Variants in MTRF1 observed in about 807,000 individuals in gnomAD.
MTRF1 encodes the protein peptide chain release factor 1, mitochondrial.
A neutral mutation model predicts 62.9 loss-of-function variants in MTRF1; 51 were observed. The ratio of observed to expected loss-of-function variants is 0.81; its 90% CI spans 0.65 to 1.02. MTRF1 has a LOEUF of 1.02. Among genes scored for constraint, MTRF1 ranks in the 50% least tolerant of loss-of-function variants. MTRF1 has a pLI of 0.00. For synonymous variants in MTRF1, 158 were observed against 181.9 expected (o/e 0.87, Z 1.06); for missense variants, 446 against 530.0 (o/e 0.84, Z 1.56).
intron 5 of MTRF1, among the ~76,000 whole-genome samples, chr13:41,242,668 G>A (rs1415574266): frequency 1.3e-5 from 2 of 151,600 alleles, no homozygotes; most frequent in African/African-American, 4.8e-5. Flanking sequence ...TTTAAAGGCG[G>A]TTTGTGTAGT....
the MTRF1 span, among the ~76,000 whole-genome samples, chr13:41,277,188 G>C: frequency 6.6e-6 from 1 of 151,150 alleles, no homozygotes; most frequent in African/African-American, 2.4e-5. Flanking sequence ...CTGGAGTGCA[G>C]TGGTGCAATT....
intron 6 of MTRF1, among the ~76,000 whole-genome samples, chr13:41,237,167 C>T (rs1403687911): frequency 8.0e-6 from 1 of 125,244 alleles, no homozygotes; most frequent in Admixed American, 1.0e-4. Context: ...TGCAGTAAGC[C>T]AAGATGGGGC....
At chr13:41,298,890 AAGG>A in the MTRF1 span, among the ~76,000 whole-genome samples, 1 of 152,086 alleles carries the variant, frequency 6.6e-6, no homozygotes, top group African/African-American at 2.4e-5. Context: ...GTCAAAAGAG[AAGG>A]AGGAGGCCAG....
the MTRF1 span, among the ~76,000 whole-genome samples, chr13:41,300,271 C>T: frequency 6.6e-6 from 1 of 152,142 alleles, no homozygotes; most frequent in East Asian, 1.9e-4. Flanking sequence ...GCTGTAATTA[C>T]AAGTGGTTTA....
At chr13:41,311,460 ACCCCCGC>A in the MTRF1 span, 2 of 1,474,190 alleles carry the variant, frequency 1.4e-6, no homozygotes, top group African/African-American at 1.4e-5. Flanking sequence ...CCCGGTGCCC[ACCCCCGC>A]GAAGCGGAGC....
chr13:41,249,300 G>C (rs905569523), intron 5 of MTRF1, among the ~76,000 whole-genome samples: 2 of 152,080 alleles, frequency 1.3e-5, no homozygotes, highest in African/African-American at 4.8e-5. Context: ...CCAGTACTTT[G>C]GGAGGCCGAG....
At chr13:41,311,615 G>C in the MTRF1 span, 8 of 1,586,790 alleles carry the variant, frequency 5.0e-6, no homozygotes, top group South Asian at 5.7e-5. Flanking sequence ...GCCGCCCCCC[G>C]GTCCCCGGGT....
At chr13:41,296,630 A>G in the MTRF1 span, among the ~76,000 whole-genome samples, 15 of 152,292 alleles carry the variant, frequency 9.8e-5, 1 homozygote, top group South Asian at 3.1e-3. Flanking sequence ...TGTTATTGAT[A>G]TGTGTTTCCA....
chr13:41,308,842 C>G, the MTRF1 span, among the ~76,000 whole-genome samples: 1 of 152,142 alleles, frequency 6.6e-6, no homozygotes, highest in Non-Finnish European at 1.5e-5. Flanking sequence ...GCATAATACC[C>G]TATAGGTAGT....
chr13:41,274,522 T>C, the MTRF1 span, among the ~76,000 whole-genome samples: 1 of 152,074 alleles, frequency 6.6e-6, no homozygotes, highest in Non-Finnish European at 1.5e-5. Flanking sequence ...TGCCCAGACA[T>C]ATAAGTACAC....
chr13:41,271,846 C>T, the MTRF1 span, among the ~76,000 whole-genome samples: 56 of 152,112 alleles, frequency 3.7e-4, 2 homozygotes, highest in East Asian at 7.4e-3. Flanking sequence ...TTTCCTCATG[C>T]AAATGCACAC....
chr13:41,305,416 T>C, the MTRF1 span, among the ~76,000 whole-genome samples: 4 of 152,204 alleles, frequency 2.6e-5, no homozygotes, highest in Admixed American at 2.6e-4. Context: ...TGAAAATGTT[T>C]CAGTGGATTC....
chr13:41,294,144 G>T, the MTRF1 span, among the ~76,000 whole-genome samples: 2 of 152,174 alleles, frequency 1.3e-5, no homozygotes, highest in African/African-American at 4.8e-5. Flanking sequence ...AAGTGGCTGG[G>T]CACTGTGGCT....
At chr13:41,245,340 C>T (rs1243643131) in intron 5 of MTRF1, among the ~76,000 whole-genome samples, 1 of 151,968 alleles carries the variant, frequency 6.6e-6, no homozygotes, top group Non-Finnish European at 1.5e-5. Context: ...ACCTCCTGGG[C>T]TCAAGCCATC....
At chr13:41,311,750 A>AC in the MTRF1 span, among the ~76,000 whole-genome samples, 10 of 152,132 alleles carry the variant, frequency 6.6e-5, no homozygotes, top group South Asian at 2.1e-3. Context: ...CGGCCGGCCC[A>AC]CGGGGGCTGC....
chr13:41,249,141 TTG>T (rs1382935884), intron 5 of MTRF1, among the ~76,000 whole-genome samples: 4 of 152,190 alleles, frequency 2.6e-5, no homozygotes, highest in Admixed American at 6.6e-5. Flanking sequence ...AAAAAAAAAT[TTG>T]TGTGCACATA....
At chr13:41,293,470 T>C in the MTRF1 span, among the ~76,000 whole-genome samples, 18 of 152,316 alleles carry the variant, frequency 1.2e-4, no homozygotes, top group East Asian at 3.5e-3. Context: ...GAAGCTGTCA[T>C]GGTTTAACAC....
chr13:41,283,728 C>T, the MTRF1 span, among the ~76,000 whole-genome samples: 48 of 148,826 alleles, frequency 3.2e-4, no homozygotes, highest in African/African-American at 1.5e-4. Context: ...TAGCTGGGAC[C>T]ACAGGCGCCC....
In MTRF1 at chr13:41,252,569, C is replaced by T. The variant is rs2039206071; in HGVS notation, c.697+76G>A. On this transcript the variant is annotated intron_variant, in intron 5 of 9. Coordinates refer to ENST00000379480, the MANE Select transcript of MTRF1 (RefSeq NM_004294.4). The stretch of plus-strand genomic sequence containing the variant: ...CCAAAAGTTTCAAAAAAAAATGGGA[C>T]AATATGGTTCTAATCAAGATCAGAG... The T allele has an allele frequency of 2.6e-6, 3 of 1,158,042 alleles. No homozygotes were observed. The South Asian group carries it at 4.2e-5, about 16-fold the overall frequency. The allele number at this position is 1,158,042 out of a possible 1,614,324, so 71.7% of individuals were successfully genotyped here.
Sources: gnomAD v4.1 joint callset for allele counts (sites outside exome capture counted in the v4.1 genomes callset) on GRCh38, gnomAD v4.1.1 for gene constraint, MANE v1.5 for transcripts, NCBI Gene and HGNC (gene_info 2026-07-23, HGNC 2026-07-21) for gene names.